Variants in C1QTNF1 observed in about 807,000 individuals in gnomAD.
C1QTNF1 encodes the protein C1q and TNF related 1, also known as complement C1q tumor necrosis factor-related protein 1.
C1QTNF1 carries 22 observed loss-of-function variants against 27.8 expected under a neutral mutation model. That is an observed-to-expected ratio of 0.79 (90% CI 0.56 to 1.13). The LOEUF (loss-of-function observed/expected upper bound fraction) is 1.13, where lower values mean the gene tolerates loss of function less well. Among genes scored for constraint, C1QTNF1 ranks in the 50% most tolerant of loss-of-function variants. The pLI is 0.00. For missense variants in C1QTNF1, 373 were observed against 380.2 expected (o/e 0.98, Z 0.16); for synonymous variants, 166 against 154.3 (o/e 1.08, Z -0.56).
At chr17:79,025,811 C>A in intron 1 of C1QTNF1, 1 of 258,600 alleles carries the variant, frequency 3.9e-6, no homozygotes, top group Non-Finnish European at 8.2e-6. Flanking sequence ...AGCTTCCCCA[C>A]CCTCCCTCTT....
chr17:79,024,999 G>GA (rs1469771112), intron 1 of C1QTNF1: 1 of 152,408 alleles, frequency 6.6e-6, no homozygotes, highest in African/African-American at 2.4e-5. Context: ...GACCTTCACG[G>GA]AATAGGAAGC....
At chr17:79,028,498 C>T (rs1287347156) in intron 1 of C1QTNF1, among the ~76,000 whole-genome samples, 2 of 152,158 alleles carry the variant, frequency 1.3e-5, no homozygotes, top group African/African-American at 4.8e-5. Flanking sequence ...ACGCTTAGAC[C>T]CATTCTCCTT....
chr17:79,042,938 TG>T (rs1249038182), intron 1 of C1QTNF1, among the ~76,000 whole-genome samples: 3 of 152,056 alleles, frequency 2.0e-5, no homozygotes, highest in African/African-American at 7.2e-5. Context: ...GCATGTGATG[TG>T]GGTATATGTG....
At chr17:79,045,203 AC>A (rs1242480625) in intron 2 of C1QTNF1, among the ~76,000 whole-genome samples, 1 of 152,076 alleles carries the variant, frequency 6.6e-6, no homozygotes, top group African/African-American at 2.4e-5. Context: ...GGGGAAAGCT[AC>A]CTGGTAGCCA....
In C1QTNF1 at chr17:79,029,206, C is replaced by T. The variant is rs754820429; in HGVS notation, c.-15+4712C>T. 4.6e-5 allele frequency among the ~76,000 whole-genome samples: 7 copies of T among 152,268 alleles called. No homozygotes were observed. In the Middle Eastern group the frequency reaches 0.01, roughly 222 times the overall value. On this transcript the variant is annotated intron_variant, in intron 1 of 3. Transcript: ENST00000579760. ...AACAAGTAAGCAAATTGGTGGGCAC[C>T]GTAACCCTGAGCCCAGTGGGCGGGA...
At position 79,044,187 on chromosome 17, in the gene C1QTNF1, G is replaced by A. The variant is rs376005130; in HGVS notation, c.155+64G>A. On this transcript the variant is annotated intron_variant, in intron 2 of 3. Transcript: ENST00000579760. ...TCTGGCCAGGCTGAGCCTGGGCCTTGGGGCCCCTGGGGGAGCTAGTTCACT... is the reference window on the plus strand; with the variant it reads ...TCTGGCCAGGCTGAGCCTGGGCCTTAGGGCCCCTGGGGGAGCTAGTTCACT... The A allele has an allele frequency of 2.3e-4, 339 of 1,461,826 alleles. 1 individual carries two copies. In the African/African-American group the frequency reaches 4.1e-3, roughly 18 times the overall value. 90.6% of individuals were successfully genotyped at this position (1,461,826 alleles called of 1,614,324 possible). A position where few individuals can be genotyped will look rare whatever the true frequency, so the allele number is the denominator to read the frequency against.
intron 1 of C1QTNF1, among the ~76,000 whole-genome samples, chr17:79,034,927 G>C (rs958636131): frequency 6.6e-6 from 1 of 152,158 alleles, no homozygotes; most frequent in Non-Finnish European, 1.5e-5. Flanking sequence ...CATCCACCAC[G>C]AGGTTGAGGG....
intron 1 of C1QTNF1, among the ~76,000 whole-genome samples, chr17:79,035,533 C>A (rs62076471): frequency 3.3e-5 from 5 of 151,640 alleles, no homozygotes; most frequent in African/African-American, 9.7e-5. Context: ...TGGGTTCAAG[C>A]GATTCTCCTG....
At chr17:79,044,673 T>G (rs2072521004) in intron 2 of C1QTNF1, among the ~76,000 whole-genome samples, 1 of 152,174 alleles carries the variant, frequency 6.6e-6, no homozygotes, top group Non-Finnish European at 1.5e-5. Context: ...GTCTACGACC[T>G]GCAATGACAG....
chr17:79,044,103 G>C lies in C1QTNF1; in HGVS notation c.135G>C (p.Ser45=), dbSNP rs4789853. Residue 45 remains serine, a synonymous_variant, in exon 2 of 4, where the codon TCG becomes TCC. Transcript: ENST00000579760. ...QEWEGTEELP[S]PPDHAERAEE... Reference sequence around the variant, plus strand: ...GGGAGGGGACTGAGGAGCTGCCGTCGCCTCCGGACCATGCCGAGAGGTGAG... The same window carrying C: ...GGGAGGGGACTGAGGAGCTGCCGTCCCCTCCGGACCATGCCGAGAGGTGAG... 526,741 of 1,611,264 alleles carry C rather than the reference G, an allele frequency of 0.33. 91,025 individuals are homozygous for C. Among genetic ancestry groups the C allele is most frequent in the East Asian group, 0.55 (24,714 of 44,786 alleles).
At chr17:79,024,530 GC>G (rs970975314) in intron 1 of C1QTNF1, 36 bp downstream of exon 1, 5 of 152,294 alleles carry the variant, frequency 3.3e-5, no homozygotes, top group African/African-American at 1.2e-4. Flanking sequence ...GCGCTGCCCC[GC>G]CCCATCCTCG....
chr17:79,043,526 G>T, intron 1 of C1QTNF1: 1 of 442,522 alleles, frequency 2.3e-6, no homozygotes. Context: ...ATGTATGCAT[G>T]TGTGTAGGTT....
intron 1 of C1QTNF1, among the ~76,000 whole-genome samples, chr17:79,026,827 C>A (rs149062949): frequency 7.4e-4 from 113 of 152,294 alleles, no homozygotes; most frequent in Non-Finnish European, 1.1e-3. Context: ...GCCATGGGTT[C>A]CCTCCTTGTT....
chr17:79,032,802 C>T (rs1249058826), intron 1 of C1QTNF1, among the ~76,000 whole-genome samples: 5 of 152,132 alleles, frequency 3.3e-5, no homozygotes, highest in Non-Finnish European at 4.4e-5. Flanking sequence ...TGCGGTGGCT[C>T]ACACCTGTAA....
chr17:79,031,979 T>C (rs1224227275), intron 1 of C1QTNF1, among the ~76,000 whole-genome samples: 1 of 152,242 alleles, frequency 6.6e-6, no homozygotes. Flanking sequence ...GGCTTGTGGC[T>C]GAGGCATGTC....
At chr17:79,027,763 G>T (rs1028125271) in intron 1 of C1QTNF1, 1 of 152,318 alleles carries the variant, frequency 6.6e-6, no homozygotes, top group Non-Finnish European at 1.5e-5. Flanking sequence ...CACTTGTGCT[G>T]GGGTGATATG....
chr17:79,025,972 C>G (rs1231672300), intron 1 of C1QTNF1: 1 of 362,656 alleles, frequency 2.8e-6, no homozygotes, highest in Non-Finnish European at 5.5e-6. Flanking sequence ...AGGCGCTCAA[C>G]ATTATATTAA....
chr17:79,043,763 C>T lies in C1QTNF1; in HGVS notation c.-14-192C>T, dbSNP rs566789115. 1.2e-4 allele frequency: 87 copies of T among 696,368 alleles called. 1 individual carries two copies. In the East Asian group the frequency reaches 2.3e-3, roughly 18 times the overall value. 43.1% of individuals were successfully genotyped at this position (696,368 alleles called of 1,614,324 possible). ...TGTGCACGTGAGTGCGTCGTGAGTG[C>T]GTGTATGCATGCATGGGTGTGTGAG... On this transcript the variant is annotated intron_variant, in intron 1 of 3. Transcript: ENST00000579760.
At chr17:79,038,213 C>T (rs1022065355) in intron 1 of C1QTNF1, among the ~76,000 whole-genome samples, 1 of 152,026 alleles carries the variant, frequency 6.6e-6, no homozygotes, top group Admixed American at 6.6e-5. Flanking sequence ...TGGTCTTGAA[C>T]TCCTGACCTC....
Sources: gnomAD v4.1 joint callset for allele counts (sites outside exome capture counted in the v4.1 genomes callset) on GRCh38, gnomAD v4.1.1 for gene constraint, MANE v1.5 for transcripts, NCBI Gene and HGNC (gene_info 2026-07-23, HGNC 2026-07-21) for gene names.